Variants in CTNNA3 observed in about 807,000 individuals in gnomAD.
CTNNA3 encodes catenin alpha-3.
CTNNA3 carries 76 observed loss-of-function variants against 95.7 expected under a neutral mutation model. The observed-to-expected ratio is 0.79, with a 90% CI of 0.66 to 0.96. The LOEUF is 0.96. CTNNA3 is among the 40% of genes least tolerant of loss of function. The pLI, the probability that CTNNA3 is intolerant of heterozygous loss-of-function variation, is 0.00. For synonymous variants in CTNNA3, 431 were observed against 374.4 expected (o/e 1.15, Z -1.74); for missense variants, 1,191 against 1,089.8 (o/e 1.09, Z -1.31).
intron 5 of CTNNA3, among the ~76,000 whole-genome samples, chr10:67,446,285 A>G (rs1460012893): frequency 2.0e-5 from 3 of 152,036 alleles, no homozygotes; most frequent in African/African-American, 7.2e-5. Context: ...CCTACTCCCT[A>G]GTCCACCCCT....
intron 13 of CTNNA3, among the ~76,000 whole-genome samples, chr10:66,273,707 T>C (rs999348344): frequency 1.2e-4 from 18 of 152,152 alleles, no homozygotes; most frequent in African/African-American, 4.3e-4. Flanking sequence ...AAGGGTGGGT[T>C]CTGGTAATTA....
rs145416150 is a variant in CTNNA3, at chr10:65,988,240, A to G, written c.2265+452T>C. 3.7e-4 allele frequency among the ~76,000 whole-genome samples: 57 copies of G among 152,268 alleles called. No homozygotes were observed. In the East Asian group the frequency reaches 9.9e-3, roughly 26 times the overall value. On this transcript the variant is annotated intron_variant, in intron 16 of 17. Transcript: ENST00000433211. ...GAGGAATAGTATATGCTCATTACCT[A>G]ATTTGATCAATACACAGTGTATACA...
chr10:66,325,457 G>T (rs1401620721), intron 12 of CTNNA3, among the ~76,000 whole-genome samples: 1 of 152,000 alleles, frequency 6.6e-6, no homozygotes, highest in African/African-American at 2.4e-5. Context: ...GTTGCCCAAG[G>T]TGGTCTTGAA....
chr10:66,880,929 A>G (rs1168371178), intron 7 of CTNNA3, among the ~76,000 whole-genome samples: 1 of 152,222 alleles, frequency 6.6e-6, no homozygotes, highest in South Asian at 2.1e-4. Context: ...ATTAAAGTAG[A>G]TAAGAAGGAA....
chr10:66,703,157 T>C (rs545233390), intron 9 of CTNNA3, among the ~76,000 whole-genome samples: 1 of 152,242 alleles, frequency 6.6e-6, no homozygotes, highest in East Asian at 1.9e-4. Context: ...AGTCACTACC[T>C]TGTTCATCAA....
intron 7 of CTNNA3, among the ~76,000 whole-genome samples, chr10:67,058,274 G>A (rs1649765077): frequency 6.6e-6 from 1 of 152,050 alleles, no homozygotes; most frequent in Non-Finnish European, 1.5e-5. Context: ...TACCATATTT[G>A]GTCTTAGTCT....
chr10:67,379,012 C>A (rs1162541753), intron 5 of CTNNA3, among the ~76,000 whole-genome samples: 1 of 152,156 alleles, frequency 6.6e-6, no homozygotes, highest in Non-Finnish European at 1.5e-5. Context: ...TGCAGAGCTT[C>A]TTCACTGTGT....
At chr10:66,072,690 T>G (rs930168109) in intron 14 of CTNNA3, among the ~76,000 whole-genome samples, 1 of 151,818 alleles carries the variant, frequency 6.6e-6, no homozygotes, top group African/African-American at 2.4e-5. Flanking sequence ...TGATCCACTC[T>G]CTTGGTTTTT....
intron 1 of CTNNA3, among the ~76,000 whole-genome samples, chr10:67,762,880 A>T (rs547906369): frequency 1.3e-5 from 2 of 152,126 alleles, no homozygotes; most frequent in Non-Finnish European, 2.9e-5. Context: ...TGCAGCCCCC[A>T]GTCACGTACT....
At chr10:67,393,433 T>C (rs1318633767) in intron 5 of CTNNA3, among the ~76,000 whole-genome samples, 1 of 152,158 alleles carries the variant, frequency 6.6e-6, no homozygotes, top group African/African-American at 2.4e-5. Flanking sequence ...TTTTCAGAGC[T>C]GAAGTAATAT....
intron 6 of CTNNA3, among the ~76,000 whole-genome samples, chr10:67,211,935 T>TA (rs1370201350): frequency 1.3e-5 from 2 of 152,092 alleles, no homozygotes; most frequent in Non-Finnish European, 1.5e-5. Flanking sequence ...ATACTATTAA[T>TA]AAAATGTGCA....
intron 9 of CTNNA3, among the ~76,000 whole-genome samples, chr10:66,696,427 A>T (rs1412576229): frequency 6.6e-6 from 1 of 152,220 alleles, no homozygotes; most frequent in Non-Finnish European, 1.5e-5. Context: ...TTTAAATAAT[A>T]TGTCATAAAC....
At chr10:67,041,385 A>G (rs1188655853) in intron 7 of CTNNA3, among the ~76,000 whole-genome samples, 2 of 152,258 alleles carry the variant, frequency 1.3e-5, no homozygotes, top group East Asian at 3.9e-4. Context: ...AGTGAATGCC[A>G]AAAGTGATCT....
At chr10:66,916,797 G>A (rs1041065305) in intron 7 of CTNNA3, among the ~76,000 whole-genome samples, 4 of 152,142 alleles carry the variant, frequency 2.6e-5, no homozygotes, top group African/African-American at 9.7e-5. Context: ...TTGGAGAATT[G>A]GTTGGTATGG....
chr10:66,191,767 C>A (rs953983386), intron 13 of CTNNA3, among the ~76,000 whole-genome samples: 8 of 152,160 alleles, frequency 5.3e-5, no homozygotes, highest in Non-Finnish European at 8.8e-5. Flanking sequence ...GACAGACTAT[C>A]CATAATGGCC....
Position 65,920,088 on chromosome 10 carries a change from G to A in CTNNA3, c.*242C>T, listed in dbSNP as rs994673769. On this transcript the variant is annotated 3_prime_UTR_variant, in exon 18 of 18. Transcript: ENST00000433211. Reference sequence around the variant, plus strand: ...TATGATGGGAAACGCTGAATGACACGTGATAATTTCATTCATTCAACAAGC... The same window carrying A: ...TATGATGGGAAACGCTGAATGACACATGATAATTTCATTCATTCAACAAGC... The A allele has an allele frequency of 3.8e-6, 2 of 520,776 alleles. No individual in the cohort carries two copies. Among genetic ancestry groups the A allele is most frequent in the Middle Eastern group, 5.1e-4 (1 of 1,952 alleles). 32.3% of individuals were successfully genotyped at this position (520,776 alleles called of 1,614,324 possible).
At chr10:66,918,819 TAG>T (rs553999408) in intron 7 of CTNNA3, among the ~76,000 whole-genome samples, 20 of 150,194 alleles carry the variant, frequency 1.3e-4, no homozygotes, top group Non-Finnish European at 2.4e-4. Flanking sequence ...GATAGATAAA[TAG>T]AGAGAGAGAG....
chr10:66,019,969 A>G (rs1259695870), intron 15 of CTNNA3, among the ~76,000 whole-genome samples: 2 of 152,238 alleles, frequency 1.3e-5, no homozygotes, highest in East Asian at 3.8e-4. Flanking sequence ...CAGAGGAATT[A>G]CAATGGAAAT....
chr10:67,427,458 CA>C (rs1188073496), intron 5 of CTNNA3, among the ~76,000 whole-genome samples: 2 of 151,934 alleles, frequency 1.3e-5, no homozygotes, highest in African/African-American at 4.8e-5. Context: ...TTGCCTTAAA[CA>C]AAATTATGTC....
Sources: allele counts gnomAD v4.1 joint callset (sites outside exome capture counted in the v4.1 genomes callset), GRCh38; gene constraint gnomAD v4.1.1; transcripts MANE v1.5; gene names NCBI Gene and HGNC (gene_info 2026-07-23, HGNC 2026-07-21).